BMERB1: variants seen among roughly 807,000 people sequenced by gnomAD.
BMERB1 encodes bMERB domain containing 1.
Under a neutral mutation model 23.6 loss-of-function variants are expected in BMERB1, and 12 were observed. That is an observed-to-expected ratio of 0.51 (90% CI 0.33 to 0.82). BMERB1 has a LOEUF of 0.82. Among genes scored for constraint, BMERB1 ranks in the 40% least tolerant of loss-of-function variants. The pLI is 0.03. For synonymous variants in BMERB1, 122 were observed against 96.6 expected, an observed-to-expected ratio of 1.26 and a Z score of -1.54; for missense variants, 247 against 255.4, an observed-to-expected ratio of 0.97 and a Z score of 0.22.
rs766812680 is a variant in BMERB1 at position 15,434,663 on chromosome 16, A to G, written c.10A>G (p.Lys4Glu). The change falls in exon 1 of 6, where the codon AAG becomes GAG. Residue 4 changes from lysine to glutamate, a missense_variant. Transcript: ENST00000300006. ...GCCACGGGGATCAGCGATGGAATTA[A>G]AGCAATCTTTGTCCACCCATCTGGA... is the stretch of plus-strand genomic sequence containing the variant. Reference protein sequence around the residue: MELKQSLSTHLEAE... With the variant: MELEQSLSTHLEAE... 10 of 1,613,830 alleles carry G rather than the reference A, an allele frequency of 6.2e-6. No homozygotes were observed. The highest frequency in any genetic ancestry group is 8.5e-6 in the Non-Finnish European group (10 of 1,179,878).
chr16:15,445,071 T>G (rs538714462), intron 1 of BMERB1, among the ~76,000 whole-genome samples: 2 of 152,172 alleles, frequency 1.3e-5, no homozygotes, highest in Non-Finnish European at 1.5e-5. Flanking sequence ...TTACAATTTT[T>G]TTGTAGAGGT....
chr16:15,512,222 A>G (rs904549414), intron 1 of BMERB1, among the ~76,000 whole-genome samples: 9 of 152,054 alleles, frequency 5.9e-5, no homozygotes, highest in Non-Finnish European at 1.3e-4. Flanking sequence ...AGGAACTCCA[A>G]TTTACTGAGA....
At chr16:15,466,720 CTGTGTG>C (rs35112172) in intron 1 of BMERB1, among the ~76,000 whole-genome samples, 2 of 150,650 alleles carry the variant, frequency 1.3e-5, no homozygotes, top group Admixed American at 6.6e-5. Flanking sequence ...ATGTGTGTGT[CTGTGTG>C]TGTGTGTGTG....
chr16:15,490,176 A>C (rs9924195), intron 1 of BMERB1, among the ~76,000 whole-genome samples: 1 of 151,650 alleles, frequency 6.6e-6, no homozygotes, highest in Non-Finnish European at 1.5e-5. Context: ...TCCAGATCCA[A>C]TATCTTTTTC....
At chr16:15,559,125 CAT>C (rs1222778695) in intron 2 of BMERB1, among the ~76,000 whole-genome samples, 1 of 152,256 alleles carries the variant, frequency 6.6e-6, no homozygotes, top group African/African-American at 2.4e-5. Flanking sequence ...ACATATATGT[CAT>C]ATGTCACCTA....
chr16:15,457,782 G>C (rs898087894), intron 1 of BMERB1, among the ~76,000 whole-genome samples: 8 of 152,168 alleles, frequency 5.3e-5, no homozygotes, highest in African/African-American at 1.9e-4. Context: ...TTCTCACGCT[G>C]CTATAAAGAA....
chr16:15,434,746 G>T lies in BMERB1; in HGVS notation c.93G>T (p.Glu31Asp). ...GAVEETAWKT[E>D]RLGRNQLDII... Reference sequence around the variant, plus strand: ...TGGAGGAGACGGCTTGGAAAACGGAGAGACTGGGGAGAAGTGAGTACTGGG... The same window carrying T: ...TGGAGGAGACGGCTTGGAAAACGGATAGACTGGGGAGAAGTGAGTACTGGG... The change falls in exon 1 of 6, where the codon GAG becomes GAT. Residue 31 changes from glutamate (E) to aspartate (D), a missense_variant. Transcript: ENST00000300006. The T allele has an allele frequency of 3.1e-6, 3 of 959,918 alleles. No homozygotes were observed. Among genetic ancestry groups the T allele is most frequent in the Non-Finnish European group, 4.6e-6 (3 of 653,168 alleles). 59.5% of individuals were successfully genotyped at this position (959,918 alleles called of 1,614,324 possible).
chr16:15,452,339 A>G (rs13337554), intron 1 of BMERB1, among the ~76,000 whole-genome samples: 1 of 29,204 alleles, frequency 3.4e-5, no homozygotes, highest in African/African-American at 1.1e-4. Context: ...AGGGAGAGAG[A>G]GAGAGAGAGA....
intron 1 of BMERB1, among the ~76,000 whole-genome samples, chr16:15,475,277 G>A (rs567089223): frequency 3.3e-5 from 5 of 152,146 alleles, no homozygotes; most frequent in South Asian, 2.1e-4. Flanking sequence ...ACCAGCAGGT[G>A]GGGGAGTGAG....
At chr16:15,451,871 TG>T in intron 1 of BMERB1, among the ~76,000 whole-genome samples, 1 of 151,686 alleles carries the variant, frequency 6.6e-6, no homozygotes, top group Middle Eastern at 3.4e-3. Flanking sequence ...CCACTGCATC[TG>T]GCTCTCTGAG....
chr16:15,520,531 G>A (rs1472315536), intron 2 of BMERB1, among the ~76,000 whole-genome samples: 4 of 148,622 alleles, frequency 2.7e-5, no homozygotes, highest in African/African-American at 1.0e-4. Flanking sequence ...ACCCAGGCTG[G>A]AGTGCAGTGG....
At chr16:15,450,458 A>T (rs1371038660) in intron 1 of BMERB1, among the ~76,000 whole-genome samples, 1 of 152,084 alleles carries the variant, frequency 6.6e-6, no homozygotes, top group African/African-American at 2.4e-5. Flanking sequence ...GGCATGTAAA[A>T]GGTATTCACA....
chr16:15,475,604 G>A (rs2051268718), intron 1 of BMERB1, among the ~76,000 whole-genome samples: 1 of 152,198 alleles, frequency 6.6e-6, no homozygotes, highest in Non-Finnish European at 1.5e-5. Flanking sequence ...AATGAATGGA[G>A]TATGTCAACC....
In BMERB1 at chr16:15,474,751, T is replaced by C. The variant is rs1234646700; in HGVS notation, c.106+39992T>C. ...TTGCCCAGGCTGGAGTGCAATGGTA[T>C]GATCTCAGCTCACTGCAACCTCTGC... On this transcript the variant is annotated intron_variant, in intron 1 of 5. Transcript: ENST00000300006. Among the ~76,000 whole-genome samples, 5 of 151,982 alleles carry C rather than the reference T, an allele frequency of 3.3e-5. No individual in the cohort carries two copies. In the East Asian group the frequency reaches 7.7e-4, roughly 23 times the overall value.
intron 1 of BMERB1, among the ~76,000 whole-genome samples, chr16:15,462,941 C>T (rs1034868280): frequency 6.6e-6 from 1 of 152,100 alleles, no homozygotes. Flanking sequence ...AGAGTCCTCC[C>T]GCAAATGAAT....
chr16:15,527,556 G>A (rs1366265099), intron 2 of BMERB1, among the ~76,000 whole-genome samples: 3 of 152,216 alleles, frequency 2.0e-5, no homozygotes, highest in Non-Finnish European at 2.9e-5. Flanking sequence ...AGTGAGCTGA[G>A]GTTGTGCCAC....
intron 2 of BMERB1, among the ~76,000 whole-genome samples, chr16:15,541,744 G>A (rs1225223295): frequency 3.3e-5 from 5 of 151,278 alleles, no homozygotes; most frequent in African/African-American, 1.2e-4. Context: ...TGGGCCTACA[G>A]GCGCCTGCCA....
chr16:15,587,577 C>G lies in BMERB1; in HGVS notation c.*748C>G. 2.2e-6 allele frequency: 1 copy of G among 452,682 alleles called. No individual in the cohort carries two copies. Among genetic ancestry groups the G allele is most frequent in the Non-Finnish European group, 4.5e-6 (1 of 224,418 alleles). 28.0% of individuals were successfully genotyped at this position (452,682 alleles called of 1,614,324 possible). On this transcript the variant is annotated 3_prime_UTR_variant, in exon 6 of 6. Transcript: ENST00000300006. ...AAGAGCCAGCAGGGAACCGGAAGCT[C>G]TGATGTCAAGGCCAGAGCAGTTGAG...
intron 4 of BMERB1, among the ~76,000 whole-genome samples, chr16:15,581,886 G>C (rs571637068): frequency 8.5e-5 from 13 of 152,286 alleles, no homozygotes; most frequent in African/African-American, 2.9e-4. Flanking sequence ...TGTACATGTT[G>C]GTTCTTGATT....
Sources: allele counts gnomAD v4.1 joint callset (sites outside exome capture counted in the v4.1 genomes callset), GRCh38; gene constraint gnomAD v4.1.1; transcripts MANE v1.5; gene names NCBI Gene and HGNC (gene_info 2026-07-23, HGNC 2026-07-21).